Variants in CYP3A5 observed in about 807,000 individuals in gnomAD.
The protein encoded by CYP3A5 is cytochrome P450 3A5.
Under a neutral mutation model 55.9 loss-of-function variants are expected in CYP3A5, and 51 were observed. That is an observed-to-expected ratio of 0.91 (90% confidence interval 0.73 to 1.15). The LOEUF (loss-of-function observed/expected upper bound fraction) is 1.15. CYP3A5 is among the 50% of genes most tolerant of loss of function. The pLI is 0.00. For missense variants in CYP3A5, 533 were observed against 596.6 expected (o/e 0.89, Z 1.11); for synonymous variants, 196 against 213.9 (o/e 0.92, Z 0.73).
At chr7:99,672,210 C>T (rs762442354) in intron 4 of CYP3A5, among the ~76,000 whole-genome samples, 21 of 152,038 alleles carry the variant, frequency 1.4e-4, no homozygotes, top group Non-Finnish European at 2.2e-4. Context: ...TGCCACCACA[C>T]GCAGCTAATT....
intron 1 of CYP3A5, among the ~76,000 whole-genome samples, chr7:99,678,377 T>A (rs1812499272): frequency 6.6e-6 from 1 of 152,240 alleles, no homozygotes; most frequent in East Asian, 1.9e-4. Context: ...TGGAAGCCTT[T>A]GCTATCGTCA....
intron 11 of CYP3A5, among the ~76,000 whole-genome samples, chr7:99,650,570 A>G (rs1297730677): frequency 6.6e-6 from 1 of 152,242 alleles, no homozygotes; most frequent in Non-Finnish European, 1.5e-5. Flanking sequence ...GATGGATGGA[A>G]AAGTGGATTC....
rs1442558737 is a variant in CYP3A5, at chr7:99,674,564, CTG to C, written c.185_186del (p.Thr62ArgfsTer4). 6.2e-7 allele frequency: 1 copy of C among 1,613,756 alleles called. No individual in the cohort carries two copies. Among genetic ancestry groups the C allele is most frequent in the Non-Finnish European group, 8.5e-7 (1 of 1,179,760 alleles). ...ATTTTTCCATACTTTTTATAGCACT[CTG>C]TGTCAAATTTCCAGAGACCCTGGGA... ...SYRQGLWKFD[T>X]ECYKKYGKMW... On this transcript the variant is annotated frameshift_variant, in exon 3 of 13. Transcript: ENST00000222982. LOFTEE classifies it high-confidence loss of function.
In CYP3A5 at chr7:99,662,954, C is replaced by A; in HGVS notation, c.799-72G>T. On this transcript the variant is annotated intron_variant, in intron 8 of 12. Coordinates refer to ENST00000222982, the MANE Select transcript of CYP3A5 (RefSeq NM_000777.5). The surrounding 1 kb of genome is among the most constrained non-coding windows in gnomAD (Gnocchi z 4.3). ...GTCAGAAGTAAATCAAAAGTGCAGT[C>A]CTCAACCTCCCTTCTTGACTTCCCT... The A allele has an allele frequency of 3.1e-6, 5 of 1,593,390 alleles. No individual in the cohort carries two copies. The South Asian group carries it at 5.6e-5, about 18-fold the overall frequency.
At chr7:99,672,436 A>AC in intron 4 of CYP3A5, 144 bp downstream of exon 4, 1 of 671,792 alleles carries the variant, frequency 1.5e-6, no homozygotes, top group Non-Finnish European at 2.6e-6. Flanking sequence ...GCAAGATGTT[A>AC]CCACTGGGCG....
In CYP3A5 at chr7:99,650,219, T is replaced by C. The variant is rs755094756; in HGVS notation, c.1267A>G (p.Lys423Glu). 3 of 1,613,648 alleles carry C rather than the reference T, an allele frequency of 1.9e-6. No individual in the cohort carries two copies. The highest frequency in any genetic ancestry group is 2.5e-6 in the Non-Finnish European group (3 of 1,179,746). ...TATATGTAAGGATCTATGCTGTCCT[T>C]CTTCTTACTGAACCTAGTTCCATAT... ...EFRPERFSKK[K>E]DSIDPYIYTP... The change falls in exon 12 of 13, where the codon AAG becomes GAG. Residue 423 changes from lysine to glutamate, a missense_variant. Physicochemically the swap from Lys to Glu is moderately conservative, Grantham distance 56 (BLOSUM62 1). Coordinates refer to ENST00000222982, the MANE Select transcript of CYP3A5 (RefSeq NM_000777.5).
chr7:99,679,182 C>A (rs1424313818), intron 1 of CYP3A5, among the ~76,000 whole-genome samples: 3 of 152,252 alleles, frequency 2.0e-5, no homozygotes, highest in Middle Eastern at 3.4e-3. Flanking sequence ...CAAGATAAAC[C>A]ATCCTGTGTA....
At chr7:99,666,579 C>T in intron 6 of CYP3A5, 22 bp downstream of exon 6, 1 of 1,611,206 alleles carries the variant, frequency 6.2e-7, no homozygotes, top group Non-Finnish European at 8.5e-7. Context: ...GCTCAGAACC[C>T]CATGGCTGTG....
intron 2 of CYP3A5, among the ~76,000 whole-genome samples, chr7:99,674,903 C>T (rs1214396018): frequency 6.6e-6 from 1 of 152,210 alleles, no homozygotes; most frequent in Non-Finnish European, 1.5e-5. Flanking sequence ...CTCCTAACCC[C>T]GTGAATGATC....
At position 99,657,893 on chromosome 7, in the gene CYP3A5, G is replaced by C. The variant is rs558239045; in HGVS notation, c.1026+2606C>G. Among the ~76,000 whole-genome samples, 159 of 152,218 alleles carry C rather than the reference G, an allele frequency of 1.0e-3. 1 individual carries two copies. The highest frequency in any genetic ancestry group is 3.8e-3 in the African/African-American group (156 of 41,530). On this transcript the variant is annotated intron_variant, in intron 10 of 12. Transcript: ENST00000222982. Reference sequence around the variant, plus strand: ...GGTTTAAAGCCTGTTTTATCAGAGAGTAGGATTGCAACCCCTGCCTTTTTT... The same window carrying C: ...GGTTTAAAGCCTGTTTTATCAGAGACTAGGATTGCAACCCCTGCCTTTTTT...
At chr7:99,664,404 T>C (rs182899922) in intron 7 of CYP3A5, among the ~76,000 whole-genome samples, 57 of 152,366 alleles carry the variant, frequency 3.7e-4, no homozygotes, top group African/African-American at 1.2e-3. Context: ...TGGATTAATG[T>C]AGACCATAAT....
intron 10 of CYP3A5, among the ~76,000 whole-genome samples, chr7:99,655,029 G>A (rs1488986659): frequency 8.5e-5 from 13 of 152,160 alleles, no homozygotes; most frequent in South Asian, 4.1e-4. Context: ...TCTGTCGGTT[G>A]CCTGTTCACT....
At chr7:99,663,504 A>T in intron 8 of CYP3A5, 1 of 990,546 alleles carries the variant, frequency 1.0e-6, no homozygotes, top group Non-Finnish European at 1.2e-6. Flanking sequence ...AGGCTGTGAA[A>T]CACTCACATT....
intron 12 of CYP3A5, 88 bp from the exon 13 acceptor site, chr7:99,648,488 A>AAT: frequency 2.8e-6 from 2 of 717,132 alleles, no homozygotes; most frequent in Non-Finnish European, 2.2e-6. Flanking sequence ...TATGACAAAA[A>AAT]TGCTTTGCAA....
intron 9 of CYP3A5, 38 bp from the exon 10 acceptor site, chr7:99,660,697 C>T (rs2151398919): frequency 1.2e-6 from 2 of 1,606,632 alleles, no homozygotes; most frequent in African/African-American, 1.3e-5. Flanking sequence ...TAAATCAGGT[C>T]AACGTACAAC....
chr7:99,664,451 T>C (rs1270839781), intron 7 of CYP3A5, among the ~76,000 whole-genome samples: 1 of 152,214 alleles, frequency 6.6e-6, no homozygotes, highest in Non-Finnish European at 1.5e-5. Flanking sequence ...CAGGAAATGA[T>C]AGTCAAGATA....
intron 6 of CYP3A5, among the ~76,000 whole-genome samples, chr7:99,666,334 A>G (rs769291245): frequency 5.3e-5 from 8 of 152,184 alleles, no homozygotes; most frequent in Non-Finnish European, 2.9e-5. Flanking sequence ...TTTCTAAAGT[A>G]TGTATTTAAT....
chr7:99,665,389 C>T, intron 6 of CYP3A5, 75 bp from the exon 7 acceptor site: 2 of 1,561,064 alleles, frequency 1.3e-6, no homozygotes, highest in African/African-American at 1.4e-5. Flanking sequence ...AGCAAGAAAC[C>T]CACATATCCA....
Position 99,665,173 on chromosome 7 carries a change from G to A in CYP3A5, c.663C>T (p.Leu221=). 1 of 1,610,112 alleles carries A rather than the reference G, an allele frequency of 6.2e-7. No homozygotes were observed. The highest frequency in any genetic ancestry group is 8.5e-7 in the Non-Finnish European group (1 of 1,177,176). ...LKFGFLDPLF[L]SIILFPFLTP... ...AAATAATAGCCCACATACTTATTGA[G>A]AGAAATAATGGATCTAAGAAACCAA... The change falls in exon 7 of 13, where the codon CTC becomes CTT. Residue 221 remains leucine (L), a synonymous_variant. Transcript: ENST00000222982.
Sources: allele counts gnomAD v4.1 joint callset (sites outside exome capture counted in the v4.1 genomes callset), GRCh38; gene constraint gnomAD v4.1.1; non-coding constraint Gnocchi (gnomAD v3.1); transcripts MANE v1.5; gene names NCBI Gene and HGNC (gene_info 2026-07-23, HGNC 2026-07-21).